GADL1: variants seen among roughly 807,000 people sequenced by gnomAD.
GADL1 encodes acidic amino acid decarboxylase GADL1.
A neutral mutation model predicts 69.5 loss-of-function variants in GADL1; 71 were observed. The observed-to-expected ratio is 1.02, with a 90% confidence interval of 0.84 to 1.25. The LOEUF is 1.25. GADL1 is among the 50% of genes most tolerant of loss of function. The pLI, the probability that GADL1 is intolerant of heterozygous loss-of-function variation, is 0.00. For missense variants in GADL1, 737 were observed against 631.8 expected, an observed-to-expected ratio of 1.17 and a Z score of -1.79; for synonymous variants, 254 against 214.4, an observed-to-expected ratio of 1.18 and a Z score of -1.62.
At chr3:30,836,670 G>A (rs1697880064) in intron 9 of GADL1, among the ~76,000 whole-genome samples, 1 of 152,034 alleles carries the variant, frequency 6.6e-6, no homozygotes, top group African/African-American at 2.4e-5. Flanking sequence ...TTGAGATTTG[G>A]CAGCCTCTAA....
chr3:30,773,694 T>C (rs941470895), intron 14 of GADL1, among the ~76,000 whole-genome samples: 1 of 152,210 alleles, frequency 6.6e-6, no homozygotes, highest in Non-Finnish European at 1.5e-5. Context: ...CAGCTCTTTA[T>C]AGTTGAATAG....
At chr3:30,750,949 G>A (rs924089295) in intron 14 of GADL1, among the ~76,000 whole-genome samples, 13 of 152,038 alleles carry the variant, frequency 8.6e-5, no homozygotes, top group Non-Finnish European at 1.6e-4. Context: ...GTCAACCTTT[G>A]TAATAAATAT....
At chr3:30,788,668 T>C (rs753770897) in intron 12 of GADL1, among the ~76,000 whole-genome samples, 8 of 152,212 alleles carry the variant, frequency 5.3e-5, no homozygotes, top group Non-Finnish European at 1.2e-4. Context: ...CTTTCAAAAT[T>C]AGTCAATCCT....
chr3:30,786,252 C>T, intron 13 of GADL1, 103 bp downstream of exon 13: 1 of 744,528 alleles, frequency 1.3e-6, no homozygotes, highest in Non-Finnish European at 2.4e-6. Context: ...TTGTTTTTAA[C>T]TCTGCAACAC....
chr3:30,817,601 T>C (rs886351492), intron 11 of GADL1, among the ~76,000 whole-genome samples: 8 of 152,202 alleles, frequency 5.3e-5, no homozygotes, highest in African/African-American at 1.2e-4. Flanking sequence ...TTATTACATA[T>C]AAATTTCTGG....
At chr3:30,760,829 G>A (rs886588937) in intron 14 of GADL1, among the ~76,000 whole-genome samples, 1 of 152,132 alleles carries the variant, frequency 6.6e-6, no homozygotes, top group Non-Finnish European at 1.5e-5. Context: ...ATGATGGGCA[G>A]CCTGTGGAGC....
At position 30,786,422 on chromosome 3, in the gene GADL1, A is replaced by G; in HGVS notation, c.1251-16T>C. On this transcript the variant is annotated splice_polypyrimidine_tract_variant and intron_variant, in intron 12 of 14. Transcript: ENST00000282538. ...TACTAGGTACCTAAAATTAAAAGTCACAATAATATTTATAATCTGCAATGT... is the reference window on the plus strand; with the variant it reads ...TACTAGGTACCTAAAATTAAAAGTCGCAATAATATTTATAATCTGCAATGT... The G allele has an allele frequency of 7.8e-7, 1 of 1,274,982 alleles. No individual in the cohort carries two copies. Among genetic ancestry groups the G allele is most frequent in the Non-Finnish European group, 1.1e-6 (1 of 876,118 alleles). 79.0% of individuals were successfully genotyped at this position (1,274,982 alleles called of 1,614,324 possible).
At chr3:30,881,350 G>A (rs937307923) in intron 1 of GADL1, among the ~76,000 whole-genome samples, 1 of 151,936 alleles carries the variant, frequency 6.6e-6, no homozygotes, top group Non-Finnish European at 1.5e-5. Context: ...AACTCTTATA[G>A]TAGATCTTAA....
intron 11 of GADL1, among the ~76,000 whole-genome samples, chr3:30,830,951 CATAATTGATAATTGATAATAATTG>C (rs1447961377): frequency 6.6e-6 from 1 of 151,566 alleles, no homozygotes; most frequent in East Asian, 1.9e-4. Context: ...TCTCATCTCC[CATAATTGATAATTGATAATAATTG>C]ATAATTGAGC....
chr3:30,800,863 AG>A, intron 12 of GADL1, 25 bp downstream of exon 12: 2 of 1,529,878 alleles, frequency 1.3e-6, no homozygotes, highest in African/African-American at 1.4e-5. Context: ...AAAGAGAGAG[AG>A]AGAGAGAGAG....
intron 11 of GADL1, among the ~76,000 whole-genome samples, chr3:30,821,682 GT>G (rs1351030803): frequency 6.6e-6 from 1 of 151,796 alleles, no homozygotes; most frequent in Non-Finnish European, 1.5e-5. Context: ...CCCAGTGGAA[GT>G]TTTTTAAACT....
At chr3:30,752,245 A>G (rs781361847) in intron 14 of GADL1, among the ~76,000 whole-genome samples, 1 of 152,186 alleles carries the variant, frequency 6.6e-6, no homozygotes, top group African/African-American at 2.4e-5. Context: ...AAGGGAGGCT[A>G]GATCCACAAA....
Position 30,844,241 on chromosome 3 carries a change from A to T in GADL1, c.755T>A (p.Leu252Gln), listed in dbSNP as rs1178702168. Residue 252 changes from leucine (L) to glutamine (Q), a missense_variant, in exon 8 of 15, where the codon CTG (leucine) becomes CAG (glutamine). Leu to Gln is a moderately radical substitution (Grantham distance 113, BLOSUM62 -2). Coordinates refer to ENST00000282538, the MANE Select transcript of GADL1 (RefSeq NM_207359.3). Reference protein sequence around the residue: ...DGRGKMIPEELEKQVWQARKE... With the variant: ...DGRGKMIPEEQEKQVWQARKE... ...TCTGGCTTGCCAGACTTGCTTCTCC[A>T]GTTCCTCAGGTATCATTTTACCTCT... 1.2e-6 allele frequency: 2 copies of T among 1,612,494 alleles called. No homozygotes were observed. Among genetic ancestry groups the T allele is most frequent in the East Asian group, 2.2e-5 (1 of 44,842 alleles).
chr3:30,776,810 C>T (rs1001724383), intron 14 of GADL1, among the ~76,000 whole-genome samples: 2 of 152,190 alleles, frequency 1.3e-5, no homozygotes, highest in African/African-American at 4.8e-5. Context: ...CTGCCTGTTA[C>T]TCTTCTCACC....
intron 14 of GADL1, among the ~76,000 whole-genome samples, chr3:30,748,422 C>T (rs1695744153): frequency 6.6e-6 from 1 of 151,634 alleles, no homozygotes; most frequent in Admixed American, 6.6e-5. Context: ...AGCACTTCCC[C>T]ACTGACTACA....
intron 1 of GADL1, among the ~76,000 whole-genome samples, chr3:30,874,719 T>G (rs144668663): frequency 0.01 from 1,592 of 152,110 alleles, 11 homozygotes; most frequent in Non-Finnish European, 0.018. Context: ...GCTTACTCTA[T>G]GCCATGTTTT....
At chr3:30,753,628 A>AGATC (rs772500867) in intron 14 of GADL1, among the ~76,000 whole-genome samples, 152 of 122,862 alleles carry the variant, frequency 1.2e-3, no homozygotes, top group Non-Finnish European at 1.7e-3. Context: ...ACAGTACTTA[A>AGATC]GATCACTCTT....
At chr3:30,802,563 A>G (rs1018248750) in intron 11 of GADL1, among the ~76,000 whole-genome samples, 1 of 152,224 alleles carries the variant, frequency 6.6e-6, no homozygotes, top group Non-Finnish European at 1.5e-5. Context: ...AATGTGCTTC[A>G]TTTGACTAAT....
intron 1 of GADL1, among the ~76,000 whole-genome samples, chr3:30,871,042 AGTGTGTGTGTGTGT>A (rs4016178): frequency 2.4e-4 from 34 of 141,476 alleles, no homozygotes; most frequent in East Asian, 6.6e-4. Flanking sequence ...AAGGCAGAAA[AGTGTGTGTGTGTGT>A]GTGTGTGTGT....
Sources: gnomAD v4.1 joint callset for allele counts (sites outside exome capture counted in the v4.1 genomes callset) on GRCh38, gnomAD v4.1.1 for gene constraint, MANE v1.5 for transcripts, NCBI Gene and HGNC (gene_info 2026-07-23, HGNC 2026-07-21) for gene names.